Variants in SHOC2 observed in about 807,000 individuals in gnomAD.
The protein encoded by SHOC2 is leucine-rich repeat protein SHOC-2.
SHOC2 carries 4 observed loss-of-function variants against 50.2 expected under a neutral mutation model. That is an observed-to-expected ratio of 0.08 (90% CI 0.04 to 0.18). SHOC2 has a LOEUF of 0.18. SHOC2 is among the 10% of genes least tolerant of loss of function. SHOC2 has a pLI of 1.00. For synonymous variants in SHOC2, 218 were observed against 244.5 expected (o/e 0.89, Z 1.01); for missense variants, 388 against 669.6 (o/e 0.58, Z 4.64).
intron 1 of SHOC2, among the ~76,000 whole-genome samples, chr10:110,960,920 G>T (rs904375920): frequency 6.6e-6 from 1 of 151,954 alleles, no homozygotes; most frequent in African/African-American, 2.4e-5. Flanking sequence ...TAAGTGATCC[G>T]CCTGCCTCAG....
intron 5 of SHOC2, among the ~76,000 whole-genome samples, chr10:111,006,158 T>C (rs2134175687): frequency 6.6e-6 from 1 of 152,352 alleles, no homozygotes; most frequent in East Asian, 1.9e-4. Flanking sequence ...GTAGTAAATT[T>C]TTAAAAATGA....
rs968320969 is a variant in SHOC2 at position 110,996,451 on chromosome 10, C to T, written c.842-3964C>T. The stretch of plus-strand genomic sequence containing the variant: ...CTAAGGTGGGAGGATCACCTTAGGC[C>T]AGGGAGTTTGAGGCTGCAGAGAGCC... On this transcript the variant is annotated intron_variant, in intron 3 of 8. Coordinates refer to ENST00000369452, the MANE Select transcript of SHOC2 (RefSeq NM_007373.4). 2.1e-4 allele frequency among the ~76,000 whole-genome samples: 32 copies of T among 151,200 alleles called. 1 individual carries two copies. The highest frequency in any genetic ancestry group is 1.6e-3 in the Admixed American group (24 of 15,160).
intron 3 of SHOC2, among the ~76,000 whole-genome samples, chr10:110,994,121 T>A (rs1409419666): frequency 6.6e-6 from 1 of 152,064 alleles, no homozygotes; most frequent in Non-Finnish European, 1.5e-5. Flanking sequence ...TTTTTTTTTT[T>A]AAAGGTTAGC....
chr10:110,973,865 CATATATATATATACACT>C (rs1847827925), intron 2 of SHOC2, among the ~76,000 whole-genome samples: 1 of 150,224 alleles, frequency 6.7e-6, no homozygotes, highest in Admixed American at 6.6e-5. Flanking sequence ...TTTAATGTTC[CATATATATATATACACT>C]ATATATATAT....
intron 2 of SHOC2, among the ~76,000 whole-genome samples, chr10:110,972,251 T>C (rs1847797490): frequency 6.6e-6 from 1 of 152,008 alleles, no homozygotes; most frequent in Non-Finnish European, 1.5e-5. Context: ...TTTTCAGTAT[T>C]AACTAAAATT....
chr10:110,939,993 C>T (rs925243942), intron 1 of SHOC2, among the ~76,000 whole-genome samples: 2 of 152,136 alleles, frequency 1.3e-5, no homozygotes, highest in African/African-American at 2.4e-5. Flanking sequence ...ACATACTTTT[C>T]AGAAGATACC....
chr10:110,990,840 C>A (rs911769598), intron 3 of SHOC2, among the ~76,000 whole-genome samples: 16 of 152,068 alleles, frequency 1.1e-4, no homozygotes, highest in African/African-American at 3.6e-4. Flanking sequence ...ATTTAAGATA[C>A]TTGAAATGTT....
At chr10:110,975,457 A>G (rs1301737121) in intron 2 of SHOC2, among the ~76,000 whole-genome samples, 1 of 152,186 alleles carries the variant, frequency 6.6e-6, no homozygotes, top group African/African-American at 2.4e-5. Context: ...TACATTTTTA[A>G]TAGTCATGTG....
At chr10:110,942,123 A>C (rs1847158646) in intron 1 of SHOC2, among the ~76,000 whole-genome samples, 2 of 72,746 alleles carry the variant, frequency 2.7e-5, no homozygotes, top group African/African-American at 8.9e-5. Flanking sequence ...TTCATCATAC[A>C]TTGGTCTTCT....
intron 1 of SHOC2, among the ~76,000 whole-genome samples, chr10:110,953,798 A>G (rs1252132707): frequency 6.6e-6 from 1 of 151,738 alleles, no homozygotes; most frequent in African/African-American, 2.4e-5. Context: ...CTTATGCCAC[A>G]TATTTGGTGG....
chr10:110,984,604 C>G (rs1276764401), intron 2 of SHOC2, among the ~76,000 whole-genome samples: 1 of 152,056 alleles, frequency 6.6e-6, no homozygotes, highest in Non-Finnish European at 1.5e-5. Flanking sequence ...TTTTCTGTAT[C>G]TCCAACCTCT....
intron 3 of SHOC2, among the ~76,000 whole-genome samples, chr10:110,995,221 G>C (rs1848248797): frequency 6.6e-6 from 1 of 152,220 alleles, no homozygotes; most frequent in Admixed American, 6.5e-5. Context: ...GTATAGCAAA[G>C]CTCCTCACTT....
At chr10:110,962,068 T>G (rs1307202337) in intron 1 of SHOC2, among the ~76,000 whole-genome samples, 1 of 152,104 alleles carries the variant, frequency 6.6e-6, no homozygotes, top group Non-Finnish European at 1.5e-5. Context: ...CGTATTTTCT[T>G]TTTTCGTTTT....
intron 1 of SHOC2, among the ~76,000 whole-genome samples, chr10:110,941,540 C>A (rs1174006041): frequency 6.6e-6 from 1 of 151,280 alleles, no homozygotes; most frequent in African/African-American, 2.4e-5. Flanking sequence ...CCATGTTGGC[C>A]AGGCCAGTCT....
intron 1 of SHOC2, among the ~76,000 whole-genome samples, chr10:110,931,830 G>T (rs370322173): frequency 1.4e-3 from 212 of 152,242 alleles, no homozygotes; most frequent in South Asian, 3.3e-3. Context: ...AAATATAAGT[G>T]TTATATGTGC....
At chr10:110,988,962 T>G (rs758011359) in intron 3 of SHOC2, 61 of 519,950 alleles carry the variant, frequency 1.2e-4, no homozygotes, top group Non-Finnish European at 1.2e-5. Flanking sequence ...CGGTTTTTGC[T>G]ATTACTTTTA....
chr10:110,948,427 A>T (rs1013974592), intron 1 of SHOC2, among the ~76,000 whole-genome samples: 1 of 152,348 alleles, frequency 6.6e-6, no homozygotes, highest in East Asian at 1.9e-4. Flanking sequence ...ATTGAACAGT[A>T]GCAGAATATA....
chr10:110,933,593 C>G (rs1846937377), intron 1 of SHOC2, among the ~76,000 whole-genome samples: 1 of 152,152 alleles, frequency 6.6e-6, no homozygotes, highest in South Asian at 2.1e-4. Context: ...AATTGTAGAA[C>G]ACTTGGAGAG....
chr10:110,984,349 G>A (rs183512173), intron 2 of SHOC2, among the ~76,000 whole-genome samples: 41 of 152,064 alleles, frequency 2.7e-4, no homozygotes, highest in African/African-American at 8.7e-4. Context: ...CTTCTTTGAG[G>A]TTTTTTGTGG....
Sources: allele counts gnomAD v4.1 joint callset (sites outside exome capture counted in the v4.1 genomes callset), GRCh38; gene constraint gnomAD v4.1.1; transcripts MANE v1.5; gene names NCBI Gene and HGNC (gene_info 2026-07-23, HGNC 2026-07-21).